Variants in CLEC4A observed in about 807,000 individuals in gnomAD.
The protein encoded by CLEC4A is C-type lectin domain family 4 member A.
Under a neutral mutation model 32.7 loss-of-function variants are expected in CLEC4A, and 27 were observed. The ratio of observed to expected loss-of-function variants is 0.83; its 90% CI spans 0.61 to 1.14. The LOEUF (loss-of-function observed/expected upper bound fraction) is 1.14, where lower values mean the gene tolerates loss of function less well. Ranked by LOEUF, CLEC4A falls within the 50% of genes most tolerant of loss-of-function variation. The pLI is 0.00. For synonymous variants in CLEC4A, 89 were observed against 93.7 expected (o/e 0.95, Z 0.29); for missense variants, 253 against 274.6 (o/e 0.92, Z 0.55).
intron 5 of CLEC4A, among the ~76,000 whole-genome samples, chr12:8,137,304 G>A (rs777010827): frequency 2.5e-4 from 38 of 151,996 alleles, no homozygotes; most frequent in African/African-American, 8.7e-4. Flanking sequence ...TTTGAGACAG[G>A]GTCTTACTCT....
At chr12:8,114,895 T>G in the CLEC4A span, among the ~76,000 whole-genome samples, 2 of 152,226 alleles carry the variant, frequency 1.3e-5, no homozygotes, top group African/African-American at 4.8e-5. Flanking sequence ...TGCTATATTC[T>G]GATTCACTGA....
upstream of CLEC4A, among the ~76,000 whole-genome samples, chr12:8,118,810 G>A (rs892174878): frequency 6.6e-6 from 1 of 152,168 alleles, no homozygotes; most frequent in Non-Finnish European, 1.5e-5. Context: ...ATATTAAGAG[G>A]TGGGCCCTTT....
intron 2 of CLEC4A, 133 bp from the exon 3 acceptor site, chr12:8,129,131 G>A: frequency 1.7e-6 from 1 of 597,524 alleles, no homozygotes; most frequent in Non-Finnish European, 2.9e-6. Flanking sequence ...TTCAGTATGG[G>A]AAATCTTTTC....
the CLEC4A span, among the ~76,000 whole-genome samples, chr12:8,104,674 G>A: frequency 3.3e-5 from 5 of 151,952 alleles, no homozygotes; most frequent in South Asian, 2.1e-4. Context: ...TTATTTTGTC[G>A]CCTGGGTAAT....
upstream of CLEC4A, among the ~76,000 whole-genome samples, chr12:8,119,288 G>A (rs1360275331): frequency 7.2e-5 from 11 of 152,176 alleles, no homozygotes; most frequent in Admixed American, 1.3e-4. Context: ...GCAATGGTGC[G>A]ATCTCAGTTC....
chr12:8,114,320 C>A, the CLEC4A span, among the ~76,000 whole-genome samples: 1 of 152,102 alleles, frequency 6.6e-6, no homozygotes, highest in African/African-American at 2.4e-5. Flanking sequence ...TCTCGGCTCA[C>A]TGCAAGCTCT....
At chr12:8,114,458 A>C in the CLEC4A span, among the ~76,000 whole-genome samples, 1 of 151,930 alleles carries the variant, frequency 6.6e-6, no homozygotes, top group Non-Finnish European at 1.5e-5. Context: ...GTTAGCCAGG[A>C]TGGTCTCAAT....
Position 8,123,823 on chromosome 12 carries a change from T to G in CLEC4A, c.-56T>G. 1 of 1,274,510 alleles carries G rather than the reference T, an allele frequency of 7.8e-7. No homozygotes were observed. Among genetic ancestry groups the G allele is most frequent in the South Asian group, 1.2e-5 (1 of 83,698 alleles). 79.0% of individuals were successfully genotyped at this position (1,274,510 alleles called of 1,614,324 possible). A position where few individuals can be genotyped will look rare whatever the true frequency, so the allele number is the denominator to read the frequency against. On this transcript the variant is annotated 5_prime_UTR_variant, in exon 1 of 6. Transcript: ENST00000229332. ...ATGTTTGGTTCCTGTTTATAAGATG[T>G]TTTAAGAAAGATCTGAAACAGATTT...
chr12:8,135,878 A>G, intron 4 of CLEC4A, 142 bp downstream of exon 4: 1 of 761,328 alleles, frequency 1.3e-6, no homozygotes, highest in South Asian at 2.3e-5. Context: ...AGGGCTCCTA[A>G]GCCTTTATAT....
chr12:8,136,928 A>C, intron 5 of CLEC4A, 25 bp downstream of exon 5: 1 of 1,501,270 alleles, frequency 6.7e-7, no homozygotes, highest in Non-Finnish European at 9.3e-7. Context: ...AGATAAAAGA[A>C]TCTTGGGTCC....
At chr12:8,122,789 AAAT>A (rs1189751558), upstream of CLEC4A, among the ~76,000 whole-genome samples, 5 of 152,192 alleles carry the variant, frequency 3.3e-5, no homozygotes, top group African/African-American at 4.8e-5. Context: ...TTAGATATAG[AAAT>A]AATATAGAAA....
At chr12:8,103,409 C>T in the CLEC4A span, among the ~76,000 whole-genome samples, 53 of 46,140 alleles carry the variant, frequency 1.1e-3, no homozygotes, top group Non-Finnish European at 1.8e-3. Flanking sequence ...TTTTTTTAGA[C>T]GGAGTCTCAC....
At chr12:8,119,965 C>T (rs1947817964), upstream of CLEC4A, among the ~76,000 whole-genome samples, 2 of 152,148 alleles carry the variant, frequency 1.3e-5, no homozygotes, top group Non-Finnish European at 2.9e-5. Flanking sequence ...CTTATGATTG[C>T]AGTTTTATTA....
chr12:8,120,277 T>TG (rs753955457), upstream of CLEC4A, among the ~76,000 whole-genome samples: 243 of 152,314 alleles, frequency 1.6e-3, 1 homozygote, highest in African/African-American at 5.6e-3. Context: ...GCCAATCACA[T>TG]GACTGGTCTT....
At position 8,138,292 on chromosome 12, in the gene CLEC4A, A is replaced by G. The variant is rs909497824; in HGVS notation, c.*5A>G. ...ATGATGAAGATCCACTTATGAACTGAACATTCTCCATGAACAGGTGGTTGG... is the reference window on the plus strand; with the variant it reads ...ATGATGAAGATCCACTTATGAACTGGACATTCTCCATGAACAGGTGGTTGG... On this transcript the variant is annotated 3_prime_UTR_variant, in exon 6 of 6. Coordinates refer to ENST00000229332, the MANE Select transcript of CLEC4A (RefSeq NM_016184.4). The G allele has an allele frequency of 1.9e-6, 3 of 1,613,954 alleles. No individual in the cohort carries two copies. In the African/African-American group the frequency reaches 4.0e-5, roughly 22 times the overall value.
rs115176426 is a variant in CLEC4A, at chr12:8,136,865, G to A, written c.528G>A (p.Trp176Ter). The stretch of plus-strand genomic sequence containing the variant: ...CAGATCCAGAAGGTCAGCGACATTG[G>A]CAATGGGTTGATCAGACACCATACA... ...GLSDPEGQRH[W>*]QWVDQTPYNE... The change falls in exon 5 of 6, where the codon TGG becomes TGA. Residue 176 changes from tryptophan (W) to a stop codon, truncating the protein, a stop_gained. Transcript: ENST00000229332. LOFTEE classifies it high-confidence loss of function. 756 of 1,613,376 alleles carry A rather than the reference G, an allele frequency of 4.7e-4. No homozygotes were observed. In the African/African-American group the frequency reaches 9.2e-3, roughly 20 times the overall value.
chr12:8,112,388 T>A, the CLEC4A span, among the ~76,000 whole-genome samples: 1 of 152,182 alleles, frequency 6.6e-6, no homozygotes, highest in East Asian at 1.9e-4. Context: ...CCCCAACATT[T>A]AAAATTTTGA....
Position 8,128,033 on chromosome 12 carries a change from C to T in CLEC4A, c.200-1231C>T, listed in dbSNP as rs780667061. ...TTGGAAGTCCTTCACATAGAGGTAG[C>T]AGGTGATGCCGTGGGAATATATGAT... On this transcript the variant is annotated intron_variant, in intron 2 of 5. Coordinates refer to ENST00000229332, the MANE Select transcript of CLEC4A (RefSeq NM_016184.4). Among the ~76,000 whole-genome samples the T allele has an allele frequency of 2.6e-5, 4 of 152,162 alleles. No individual in the cohort carries two copies. In the South Asian group the frequency reaches 8.3e-4, roughly 32 times the overall value.
rs1947925930 is a variant in CLEC4A at position 8,127,666 on chromosome 12, AT to A, written c.200-1596del. Among the ~76,000 whole-genome samples, 3 of 152,158 alleles carry A rather than the reference AT, an allele frequency of 2.0e-5. No individual in the cohort carries two copies. The South Asian group carries it at 6.2e-4, about 32-fold the overall frequency. Reference sequence around the variant, plus strand: ...GTTAGAAGGATAATTCATTAATTCAATTGAGAAATATTGTCAGACTGATCTA... The same window carrying A: ...GTTAGAAGGATAATTCATTAATTCAATGAGAAATATTGTCAGACTGATCTA... On this transcript the variant is annotated intron_variant, in intron 2 of 5. Transcript: ENST00000229332.
Sources: gnomAD v4.1 joint callset for allele counts (sites outside exome capture counted in the v4.1 genomes callset) on GRCh38, gnomAD v4.1.1 for gene constraint, MANE v1.5 for transcripts, NCBI Gene and HGNC (gene_info 2026-07-23, HGNC 2026-07-21) for gene names.